CAMK2G: variants seen among roughly 807,000 people sequenced by gnomAD.
The protein encoded by CAMK2G is calcium/calmodulin-dependent protein kinase type II subunit gamma.
A neutral mutation model predicts 88.7 loss-of-function variants in CAMK2G; 23 were observed. The ratio of observed to expected loss-of-function variants is 0.26; its 90% CI spans 0.19 to 0.37. The LOEUF (loss-of-function observed/expected upper bound fraction) is 0.37, where lower values mean the gene tolerates loss of function less well. CAMK2G is among the 10% of genes least tolerant of loss of function. The pLI is 1.00. For missense variants in CAMK2G, 476 were observed against 780.8 expected, an observed-to-expected ratio of 0.61 and a Z score of 4.65; for synonymous variants, 263 against 294.8, an observed-to-expected ratio of 0.89 and a Z score of 1.11.
chr10:73,844,408 G>T (rs1324308272), intron 10 of CAMK2G, among the ~76,000 whole-genome samples: 1 of 149,904 alleles, frequency 6.7e-6, no homozygotes, highest in East Asian at 2.0e-4. Context: ...TCTTTAAAAA[G>T]AAATTTTTTC....
intron 17 of CAMK2G, among the ~76,000 whole-genome samples, chr10:73,822,100 C>T (rs2089085010): frequency 6.6e-6 from 1 of 152,228 alleles, no homozygotes; most frequent in Admixed American, 6.5e-5. Context: ...TCCAGGCCAC[C>T]AGCATCTCAC....
At chr10:73,835,329 T>C (rs1414173685) in intron 14 of CAMK2G, among the ~76,000 whole-genome samples, 3 of 151,810 alleles carry the variant, frequency 2.0e-5, no homozygotes, top group Non-Finnish European at 4.4e-5. Flanking sequence ...AGGGTTTCAC[T>C]GTCACCCAGG....
intron 12 of CAMK2G, among the ~76,000 whole-genome samples, chr10:73,840,485 A>C (rs1360279647): frequency 6.6e-6 from 1 of 152,216 alleles, no homozygotes; most frequent in Non-Finnish European, 1.5e-5. Flanking sequence ...TCCCAGAGTC[A>C]GGGCAGAAGA....
chr10:73,863,824 T>C (rs1226722701), intron 2 of CAMK2G, among the ~76,000 whole-genome samples: 1 of 152,194 alleles, frequency 6.6e-6, no homozygotes, highest in Non-Finnish European at 1.5e-5. Flanking sequence ...CTTGTTAGCC[T>C]CTTAGTTCAG....
At chr10:73,826,027 G>A (rs148499273) in intron 15 of CAMK2G, among the ~76,000 whole-genome samples, 1 of 152,230 alleles carries the variant, frequency 6.6e-6, no homozygotes, top group African/African-American at 2.4e-5. Flanking sequence ...GAAACCCAGC[G>A]GGGCTGTAGC....
At chr10:73,841,469 CAAT>C (rs2093780835) in intron 12 of CAMK2G, among the ~76,000 whole-genome samples, 4 of 148,440 alleles carry the variant, frequency 2.7e-5, no homozygotes, top group African/African-American at 9.8e-5. Context: ...TGAAGGCAAA[CAAT>C]AATAGGGGTT....
At chr10:73,823,131 G>A (rs1338907589) in intron 17 of CAMK2G, among the ~76,000 whole-genome samples, 1 of 152,208 alleles carries the variant, frequency 6.6e-6, no homozygotes, top group Non-Finnish European at 1.5e-5. Context: ...CAAAGTGCTA[G>A]GATTACAGGC....
At chr10:73,872,934 A>C in intron 2 of CAMK2G, 55 bp downstream of exon 2, 1 of 1,142,660 alleles carries the variant, frequency 8.8e-7, no homozygotes, top group Non-Finnish European at 1.3e-6. Flanking sequence ...TCCTCAAAAG[A>C]AACCATGGCC....
rs1351489793 is a variant in CAMK2G, at chr10:73,813,558, A to G, written c.*960T>C. ...GGTCAGCATGGGGACCACTACCGTG[A>G]AAAGGCAAGACAAAGATGGTCCAGA... On this transcript the variant is annotated 3_prime_UTR_variant, in exon 23 of 23. Transcript: ENST00000423381. 1.3e-5 allele frequency: 2 copies of G among 152,748 alleles called. No individual in the cohort carries two copies. The highest frequency in any genetic ancestry group is 4.8e-5 in the African/African-American group (2 of 41,480). The allele number at this position is 152,748 out of a possible 1,614,324, so 9.5% of individuals were successfully genotyped here. A position where few individuals can be genotyped will look rare whatever the true frequency, so the allele number is the denominator to read the frequency against.
At chr10:73,818,732 C>G (rs1224557525) in intron 19 of CAMK2G, 1 of 456,080 alleles carries the variant, frequency 2.2e-6, no homozygotes. Context: ...AAGCAGCAGG[C>G]AGGTGTGCAC....
intron 14 of CAMK2G, among the ~76,000 whole-genome samples, chr10:73,833,062 G>A (rs2092703654): frequency 6.7e-6 from 1 of 150,198 alleles, no homozygotes; most frequent in African/African-American, 2.5e-5. Context: ...CTGGGCTCAA[G>A]CAATCCTCCC....
chr10:73,868,004 A>G (rs2095656117), intron 2 of CAMK2G, among the ~76,000 whole-genome samples: 1 of 152,120 alleles, frequency 6.6e-6, no homozygotes, highest in Admixed American at 6.5e-5. Context: ...TAGGTGACAA[A>G]GGGGCTCTGC....
At position 73,848,977 on chromosome 10, in the gene CAMK2G, G is replaced by T; in HGVS notation, c.517+36C>A. 7.8e-7 allele frequency: 1 copy of T among 1,274,144 alleles called. No homozygotes were observed. The highest frequency in any genetic ancestry group is 1.2e-6 in the Non-Finnish European group (1 of 869,488). The allele number at this position is 1,274,144 out of a possible 1,614,324, so 78.9% of individuals were successfully genotyped here. A position where few individuals can be genotyped will look rare whatever the true frequency, so the allele number is the denominator to read the frequency against. ...GCAGATCAGGAAGAGGAGGAAGGGC[G>T]GGGGCTGCATTCCGGGAAGACAGGA... On this transcript the variant is annotated intron_variant, in intron 7 of 22. Transcript: ENST00000423381. This position sits in a 1 kb window ranked among gnomAD's most constrained non-coding sequence, Gnocchi z 4.5.
chr10:73,829,628 TATG>T (rs2092006652), intron 14 of CAMK2G, among the ~76,000 whole-genome samples: 1 of 151,906 alleles, frequency 6.6e-6, no homozygotes, highest in Admixed American at 6.6e-5. Context: ...TATGCTCAAA[TATG>T]ATATTTTACT....
intron 14 of CAMK2G, among the ~76,000 whole-genome samples, chr10:73,836,515 C>T (rs912839015): frequency 4.6e-5 from 7 of 152,148 alleles, no homozygotes; most frequent in African/African-American, 7.2e-5. Context: ...AGGGTGTGCG[C>T]GGAGCCCAGG....
chr10:73,813,463 C>T lies in CAMK2G; in HGVS notation c.*1055G>A, dbSNP rs1446303832. 6.5e-6 allele frequency: 1 copy of T among 152,718 alleles called. No individual in the cohort carries two copies. The highest frequency in any genetic ancestry group is 1.5e-5 in the Non-Finnish European group (1 of 68,110). 9.5% of individuals were successfully genotyped at this position (152,718 alleles called of 1,614,324 possible). A position where few individuals can be genotyped will look rare whatever the true frequency, so the allele number is the denominator to read the frequency against. On this transcript the variant is annotated 3_prime_UTR_variant, in exon 23 of 23. Coordinates refer to ENST00000423381, the MANE Select transcript of CAMK2G (RefSeq NM_001367534.1). Reference sequence around the variant, plus strand: ...CCTGAATGCATAGAAACGACCACCACCTCTTCTCCCACTGCCTCACTCCTC... The same window carrying T: ...CCTGAATGCATAGAAACGACCACCATCTCTTCTCCCACTGCCTCACTCCTC...
intron 13 of CAMK2G, among the ~76,000 whole-genome samples, chr10:73,838,457 CAG>C (rs150816968): frequency 0.016 from 2,460 of 152,306 alleles, 36 homozygotes; most frequent in Non-Finnish European, 0.025. Flanking sequence ...CATCACAAAA[CAG>C]TGGTGGGAAT....
chr10:73,872,869 G>A (rs1426277444), intron 2 of CAMK2G, 120 bp downstream of exon 2: 22 of 763,490 alleles, frequency 2.9e-5, no homozygotes, highest in Non-Finnish European at 4.8e-6. Context: ...CAACCAGTCT[G>A]AAATTCCAAC....
At chr10:73,815,363 A>G in intron 21 of CAMK2G, 116 bp from the exon 22 acceptor site, 2 of 698,608 alleles carry the variant, frequency 2.9e-6, no homozygotes, top group East Asian at 5.5e-5. Flanking sequence ...AGAATCTCCA[A>G]GTACCGCCCC....
Sources: allele counts gnomAD v4.1 joint callset (sites outside exome capture counted in the v4.1 genomes callset), GRCh38; gene constraint gnomAD v4.1.1; non-coding constraint Gnocchi (gnomAD v3.1); transcripts MANE v1.5; gene names NCBI Gene and HGNC (gene_info 2026-07-23, HGNC 2026-07-21).